USP18: variants seen among roughly 807,000 people sequenced by gnomAD.
USP18 encodes ubl carboxyl-terminal hydrolase 18.
USP18 carries 11 observed loss-of-function variants against 48.7 expected under a neutral mutation model. That is an observed-to-expected ratio of 0.23 (90% CI 0.14 to 0.37). USP18 has a LOEUF of 0.37. Ranked by LOEUF, USP18 falls within the 10% of genes least tolerant of loss-of-function variation. USP18 has a pLI of 1.00. For missense variants in USP18, 285 were observed against 436.4 expected, an observed-to-expected ratio of 0.65 and a Z score of 3.09; for synonymous variants, 114 against 163.2, an observed-to-expected ratio of 0.70 and a Z score of 2.30.
chr22:18,160,243 G>A lies in USP18; in HGVS notation c.229G>A (p.Val77Met). The stretch of plus-strand genomic sequence containing the variant: ...CTTGATTCAGGTGTTCGTAATGAAT[G>A]TGGACTTCACCAGGATATTGAAGAG... Reference protein sequence around the residue: ...NSLIQVFVMNVDFTRILKRIT... With the variant: ...NSLIQVFVMNMDFTRILKRIT... Residue 77 changes from valine (V) to methionine (M), a missense_variant, in exon 3 of 11, where the codon GTG becomes ATG. Physicochemically the swap from Val to Met is conservative, Grantham distance 21. Coordinates refer to ENST00000215794, the MANE Select transcript of USP18 (RefSeq NM_017414.4). 2 of 1,614,184 alleles carry A rather than the reference G, an allele frequency of 1.2e-6. No individual in the cohort carries two copies. Among genetic ancestry groups the A allele is most frequent in the African/African-American group, 1.3e-5 (1 of 75,062 alleles).
intron 3 of USP18, 62 bp downstream of exon 3, chr22:18,160,330 G>A: frequency 6.3e-7 from 1 of 1,593,792 alleles, no homozygotes; most frequent in Non-Finnish European, 8.6e-7. Context: ...TTTTGAGATG[G>A]AGTCTTGCTC....
At chr22:18,155,318 T>A (rs1051616760) in intron 1 of USP18, among the ~76,000 whole-genome samples, 1 of 152,138 alleles carries the variant, frequency 6.6e-6, no homozygotes, top group Non-Finnish European at 1.5e-5. Context: ...AGTACTGGGT[T>A]TTACTGTAGT....
chr22:18,159,048 A>G (rs141401038), intron 2 of USP18, among the ~76,000 whole-genome samples: 1 of 152,032 alleles, frequency 6.6e-6, no homozygotes, highest in Non-Finnish European at 1.5e-5. Context: ...TTTTCTTGTT[A>G]TCGAACTTTT....
intron 1 of USP18, among the ~76,000 whole-genome samples, chr22:18,156,391 T>G (rs1929139674): frequency 6.6e-6 from 1 of 152,204 alleles, no homozygotes; most frequent in Non-Finnish European, 1.5e-5. Context: ...CTGTGGAAGC[T>G]TTGTTGTTTC....
Position 18,153,275 on chromosome 22 carries a change from A to G in USP18, c.-107+3053A>G, listed in dbSNP as rs61057397. Among the ~76,000 whole-genome samples the G allele has an allele frequency of 5.3e-3, 800 of 152,244 alleles. 8 individuals are homozygous for G. The highest frequency in any genetic ancestry group is 0.018 in the African/African-American group (752 of 41,536). ...GAAACCCCGTCTCTACTAAAAATAC[A>G]AAAATTAGCCATGCGTGGTGGCACA... On this transcript the variant is annotated intron_variant, in intron 1 of 10. Coordinates refer to ENST00000215794, the MANE Select transcript of USP18 (RefSeq NM_017414.4).
chr22:18,174,659 G>C (rs937542558), intron 10 of USP18, among the ~76,000 whole-genome samples: 1 of 151,850 alleles, frequency 6.6e-6, no homozygotes, highest in Non-Finnish European at 1.5e-5. Flanking sequence ...TGTGATCATA[G>C]CTCACTGCAG....
chr22:18,156,308 G>T (rs920874403), intron 1 of USP18, among the ~76,000 whole-genome samples: 6 of 152,208 alleles, frequency 3.9e-5, no homozygotes, highest in Non-Finnish European at 7.3e-5. Context: ...CAGGATGTGG[G>T]TGGGGCCAGA....
At chr22:18,150,607 G>A (rs982732557) in intron 1 of USP18, among the ~76,000 whole-genome samples, 2 of 152,190 alleles carry the variant, frequency 1.3e-5, no homozygotes, top group African/African-American at 4.8e-5. Flanking sequence ...TGTCCACTGA[G>A]TATATTATGG....
chr22:18,171,639 A>G (rs1242750864), intron 8 of USP18, among the ~76,000 whole-genome samples: 1 of 152,036 alleles, frequency 6.6e-6, no homozygotes, highest in Non-Finnish European at 1.5e-5. Context: ...TCTAAAAACA[A>G]AACAAGAAAA....
intron 2 of USP18, among the ~76,000 whole-genome samples, chr22:18,158,766 C>T (rs147268410): frequency 6.6e-6 from 1 of 152,302 alleles, no homozygotes; most frequent in East Asian, 1.9e-4. Context: ...GATTTATTTC[C>T]TGCCTCCCTG....
chr22:18,172,869 C>T (rs1472179220), intron 8 of USP18, among the ~76,000 whole-genome samples: 1 of 150,024 alleles, frequency 6.7e-6, no homozygotes, highest in African/African-American at 2.5e-5. Context: ...ATCCCCACCC[C>T]TCCCAGGGGA....
At chr22:18,172,935 C>T (rs1228491038) in intron 8 of USP18, among the ~76,000 whole-genome samples, 3 of 150,148 alleles carry the variant, frequency 2.0e-5, no homozygotes, top group Non-Finnish European at 4.4e-5. Context: ...CCTTCCATCT[C>T]TTGCGTGCTC....
At position 18,157,553 on chromosome 22, in the gene USP18, C is replaced by A; in HGVS notation, c.-106-5C>A. ...TTCTTGCCTACCCGCATTGTATTTT[C>A]ACAGAGATTCCATCGTGCCTGGCTC... On this transcript the variant is annotated splice_polypyrimidine_tract_variant and splice_region_variant and intron_variant, in intron 1 of 10. Transcript: ENST00000215794. 7.0e-7 allele frequency: 1 copy of A among 1,423,398 alleles called. No individual in the cohort carries two copies. Among genetic ancestry groups the A allele is most frequent in the Non-Finnish European group, 9.7e-7 (1 of 1,035,538 alleles). The allele number at this position is 1,423,398 out of a possible 1,614,324, so 88.2% of individuals were successfully genotyped here.
Position 18,160,406 on chromosome 22 carries a change from AG to A in USP18, c.254+139del, listed in dbSNP as rs1602523824. ...CTGCAAGTTCTGCCTCCCGGGTTCA[AG>A]CGATTCTCCTGCTTCAGTCTCCCGA... On this transcript the variant is annotated intron_variant, in intron 3 of 10. Coordinates refer to ENST00000215794, the MANE Select transcript of USP18 (RefSeq NM_017414.4). 15 of 970,946 alleles carry A rather than the reference AG, an allele frequency of 1.5e-5. No homozygotes were observed. In the East Asian group the frequency reaches 4.0e-4, roughly 26 times the overall value. The allele number at this position is 970,946 out of a possible 1,614,324, so 60.1% of individuals were successfully genotyped here.
intron 4 of USP18, among the ~76,000 whole-genome samples, chr22:18,164,568 T>C (rs1002950689): frequency 6.6e-6 from 1 of 151,474 alleles, no homozygotes; most frequent in African/African-American, 2.4e-5. Context: ...ACCTGCCTCA[T>C]TGGCTCCAGG....
chr22:18,167,389 A>C, intron 5 of USP18, 55 bp downstream of exon 5: 1 of 1,600,540 alleles, frequency 6.2e-7, no homozygotes, highest in South Asian at 1.1e-5. Flanking sequence ...CATTTCACTC[A>C]TTCAGCTGTT....
At position 18,170,495 on chromosome 22, in the gene USP18, G is replaced by A. The variant is rs565247868; in HGVS notation, c.724-258G>A. On this transcript the variant is annotated intron_variant, in intron 7 of 10. Transcript: ENST00000215794. ...GCGAGACCAGCTCCCTGGAGCAGAC[G>A]CGGTGGCTCCCTGGGTCCTGGTACC... Among the ~76,000 whole-genome samples the A allele has an allele frequency of 5.3e-5, 8 of 152,314 alleles. No homozygotes were observed. The East Asian group carries it at 1.5e-3, about 29-fold the overall frequency.
Position 18,157,591 on chromosome 22 carries a change from C to T in USP18, c.-73C>T, listed in dbSNP as rs1929196185. On this transcript the variant is annotated 5_prime_UTR_variant, in exon 2 of 11. Transcript: ENST00000215794. The stretch of plus-strand genomic sequence containing the variant: ...TCGTGCCTGGCTCACATAAGCGCTT[C>T]CTGGAAGTGAAGTCGTGCTGTCCTG... 6 of 1,588,962 alleles carry T rather than the reference C, an allele frequency of 3.8e-6. No individual in the cohort carries two copies. The Admixed American group carries it at 8.9e-5, about 23-fold the overall frequency.
intron 8 of USP18, 128 bp from the exon 9 acceptor site, chr22:18,173,022 C>G: frequency 6.6e-7 from 1 of 1,517,178 alleles, no homozygotes; most frequent in Non-Finnish European, 8.8e-7. Flanking sequence ...TGCCCACTGG[C>G]TGTGGGTCGG....
Sources: allele counts gnomAD v4.1 joint callset (sites outside exome capture counted in the v4.1 genomes callset), GRCh38; gene constraint gnomAD v4.1.1; transcripts MANE v1.5; gene names NCBI Gene and HGNC (gene_info 2026-07-23, HGNC 2026-07-21).